The following ZNF280D variants were observed in gnomAD, a reference collection of about 807,000 sequenced individuals.
ZNF280D encodes zinc finger protein 280D, also known as suppressor of hairy wing homolog 4.
In ZNF280D, 39 loss-of-function variants were observed where a neutral mutation model predicts 94.7. The observed-to-expected ratio is 0.41, with a 90% CI of 0.32 to 0.54. The LOEUF (loss-of-function observed/expected upper bound fraction) is 0.54. Among genes scored for constraint, ZNF280D ranks in the 20% least tolerant of loss-of-function variants. ZNF280D has a pLI of 0.22. For synonymous variants in ZNF280D, 398 were observed against 377.6 expected, an observed-to-expected ratio of 1.05 and a Z score of -0.63; for missense variants, 1,090 against 1,149.3, an observed-to-expected ratio of 0.95 and a Z score of 0.75.
At chr15:56,714,997 G>T (rs1327394702) in intron 1 of ZNF280D, among the ~76,000 whole-genome samples, 1 of 152,096 alleles carries the variant, frequency 6.6e-6, no homozygotes, top group Non-Finnish European at 1.5e-5. Flanking sequence ...GGATATGGTT[G>T]CTATAATTAT....
At chr15:56,661,832 G>A (rs1237847144) in intron 16 of ZNF280D, among the ~76,000 whole-genome samples, 1 of 152,054 alleles carries the variant, frequency 6.6e-6, no homozygotes, top group Non-Finnish European at 1.5e-5. Flanking sequence ...TCTCTTAAGT[G>A]CAAATTGTTA....
intron 1 of ZNF280D, among the ~76,000 whole-genome samples, chr15:56,719,832 T>C (rs1054952682): frequency 1.4e-4 from 20 of 138,078 alleles, no homozygotes; most frequent in African/African-American, 5.5e-4. Flanking sequence ...AAATGTACAA[T>C]AGCATTGTCT....
rs374274092 is a variant in ZNF280D, at chr15:56,689,006, A to C, written c.780+35T>G. The stretch of plus-strand genomic sequence containing the variant: ...TCATCAGTATTTTTAGAAATGTGCA[A>C]ACTTTTTACAAATTAAATTTTGAAA... On this transcript the variant is annotated intron_variant, in intron 9 of 21. Transcript: ENST00000267807. 4.5e-4 allele frequency: 656 copies of C among 1,460,688 alleles called. 9 individuals are homozygous for C. The South Asian group carries it at 6.8e-3, about 15-fold the overall frequency. 90.5% of individuals were successfully genotyped at this position (1,460,688 alleles called of 1,614,324 possible).
intron 14 of ZNF280D, among the ~76,000 whole-genome samples, chr15:56,667,721 A>G (rs2054392788): frequency 6.6e-6 from 1 of 152,256 alleles, no homozygotes; most frequent in East Asian, 1.9e-4. Flanking sequence ...GTGCTTGGGT[A>G]ACATACAATG....
intron 14 of ZNF280D, 92 bp from the exon 15 acceptor site, chr15:56,667,078 T>C (rs2054342910): frequency 1.0e-5 from 11 of 1,078,668 alleles, no homozygotes; most frequent in Non-Finnish European, 1.4e-5. Context: ...AAATCAAGAA[T>C]TTTGAAAAAA....
At position 56,660,479 on chromosome 15, in the gene ZNF280D, T is replaced by A. The variant is rs1223328603; in HGVS notation, c.1995-1993A>T. 3.3e-5 allele frequency among the ~76,000 whole-genome samples: 5 copies of A among 152,210 alleles called. No individual in the cohort carries two copies. In the East Asian group the frequency reaches 9.7e-4, roughly 29 times the overall value. The stretch of plus-strand genomic sequence containing the variant: ...AGGGATTTCTACCACCTGCTTGATT[T>A]CTCTGTATTTAATTCCATACTTATA... On this transcript the variant is annotated intron_variant, in intron 16 of 21. Coordinates refer to ENST00000267807, the MANE Select transcript of ZNF280D (RefSeq NM_017661.4).
chr15:56,669,940 ATATATATAT>A lies in ZNF280D; in HGVS notation c.1411-992_1411-984del, dbSNP rs2054665884. Among the ~76,000 whole-genome samples the A allele has an allele frequency of 1.7e-3, 11 of 6,546 alleles. 3 individuals carry two copies. The highest frequency in any genetic ancestry group is 5.7e-3 in the African/African-American group (11 of 1,942). 4.3% of individuals were successfully genotyped at this position (6,546 alleles called of 152,430 possible). A position where few individuals can be genotyped will look rare whatever the true frequency, so the allele number is the denominator to read the frequency against. ...TATATATATATTATATATATATTAT[ATATATATAT>A]TATATATATATATTATATATATATA... On this transcript the variant is annotated intron_variant, in intron 13 of 21. Transcript: ENST00000267807.
In ZNF280D at chr15:56,677,650, G is replaced by T; in HGVS notation, c.1187C>A (p.Ser396Ter). 1 of 1,596,716 alleles carries T rather than the reference G, an allele frequency of 6.3e-7. No homozygotes were observed. Among genetic ancestry groups the T allele is most frequent in the South Asian group, 1.1e-5 (1 of 88,550 alleles). ...FSTICKICEL[S>*]FETEHVLLQH... The stretch of plus-strand genomic sequence containing the variant: ...TAAAAGAACATGTTCTGTTTCAAAT[G>T]ACAATTCACAGATTTTACAAATAGC... Residue 396 changes from serine to a stop codon, truncating the protein, a stop_gained, in exon 12 of 22, where the codon TCA becomes TAA. Transcript: ENST00000267807. LOFTEE classifies it high-confidence loss of function.
chr15:56,683,694 T>C (rs1440167731), intron 9 of ZNF280D, among the ~76,000 whole-genome samples: 4 of 152,190 alleles, frequency 2.6e-5, no homozygotes, highest in Non-Finnish European at 5.9e-5. Flanking sequence ...GGTGAGATCC[T>C]ATTTTTATAG....
At chr15:56,715,052 G>T (rs2057968234) in intron 1 of ZNF280D, among the ~76,000 whole-genome samples, 1 of 151,888 alleles carries the variant, frequency 6.6e-6, no homozygotes, top group African/African-American at 2.4e-5. Context: ...AACGTGTTGG[G>T]GGCACCATAG....
At chr15:56,725,575 T>C (rs1215057437) in intron 1 of ZNF280D, among the ~76,000 whole-genome samples, 3 of 152,078 alleles carry the variant, frequency 2.0e-5, no homozygotes, top group South Asian at 2.1e-4. Flanking sequence ...CACTCTTCTG[T>C]TGAAGAAAAT....
intron 17 of ZNF280D, 104 bp from the exon 18 acceptor site, chr15:56,654,607 T>A: frequency 1.0e-6 from 1 of 971,102 alleles, no homozygotes; most frequent in Non-Finnish European, 1.5e-6. Flanking sequence ...CATACATAAC[T>A]ATAACTTCCC....
Position 56,666,846 on chromosome 15 carries a change from T to A in ZNF280D, c.1686A>T (p.Thr562=), listed in dbSNP as rs749811290. 6 of 1,613,962 alleles carry A rather than the reference T, an allele frequency of 3.7e-6. No individual in the cohort carries two copies. Among genetic ancestry groups the A allele is most frequent in the Non-Finnish European group, 5.1e-6 (6 of 1,179,918 alleles). ...ITAKNPAKSN[T]SKPNTVKSNA... is the part of the protein sequence containing the mutation. Reference sequence around the variant, plus strand: ...TGGATTTGACTGTATTAGGTTTACTTGTATTAGATTTTGCAGGATTTTTAG... The same window carrying A: ...TGGATTTGACTGTATTAGGTTTACTAGTATTAGATTTTGCAGGATTTTTAG... Residue 562 remains threonine, a synonymous_variant, in exon 15 of 22, where the codon ACA becomes ACT. Transcript: ENST00000267807.
At chr15:56,662,041 G>C (rs1459347641) in intron 16 of ZNF280D, among the ~76,000 whole-genome samples, 2 of 151,784 alleles carry the variant, frequency 1.3e-5, no homozygotes, top group Non-Finnish European at 2.9e-5. Flanking sequence ...CTTCCTAGTA[G>C]GTACATAATA....
At chr15:56,669,096 A>C (rs1465304280) in intron 13 of ZNF280D, 139 bp from the exon 14 acceptor site, 1 of 734,134 alleles carries the variant, frequency 1.4e-6, no homozygotes, top group South Asian at 2.0e-5. Flanking sequence ...TCATAATAAT[A>C]TAAAATGCCT....
intron 13 of ZNF280D, among the ~76,000 whole-genome samples, chr15:56,670,873 T>C (rs1388851310): frequency 1.3e-5 from 2 of 152,120 alleles, no homozygotes; most frequent in Non-Finnish European, 2.9e-5. Context: ...ATAATAGCCA[T>C]TCTGACAGGT....
chr15:56,728,411 CATTGG>C (rs1207023986), intron 1 of ZNF280D, among the ~76,000 whole-genome samples: 3 of 152,172 alleles, frequency 2.0e-5, no homozygotes. Flanking sequence ...TTAAAAAATT[CATTGG>C]ATTGATCATT....
chr15:56,649,994 C>CA lies in ZNF280D; in HGVS notation c.2213+4203dup, dbSNP rs527456817. Among the ~76,000 whole-genome samples the CA allele has an allele frequency of 1.3e-3, 204 of 151,552 alleles. 1 individual carries two copies. Among genetic ancestry groups the CA allele is most frequent in the African/African-American group, 4.0e-3 (165 of 41,328 alleles). On this transcript the variant is annotated intron_variant, in intron 19 of 21. Transcript: ENST00000267807. ...GATTCTCTTCTGATACAGCATTTCA[C>CA]AAAAAAAATCCCATAATGCAATATA...
rs775135467 is a variant in ZNF280D, at chr15:56,631,586, G to A, written c.2852C>T (p.Ser951Phe). 6.2e-7 allele frequency: 1 copy of A among 1,613,942 alleles called. No homozygotes were observed. The highest frequency in any genetic ancestry group is 8.5e-7 in the Non-Finnish European group (1 of 1,180,010). ...DPSAKTDEVV[S>F]DQTDDIPGGN... ...TCCAGGAATGTCATCTGTTTGATCA[G>A]ACACTACTTCATCAGTCTTGGCTGA... The change falls in exon 22 of 22, where the codon TCT (serine) becomes TTT (phenylalanine). Residue 951 changes from serine (S) to phenylalanine (F), a missense_variant. This residue lies in a region of ZNF280D where 577 missense variants were observed against 568.8 expected (regional missense o/e 1.01). Coordinates refer to ENST00000267807, the MANE Select transcript of ZNF280D (RefSeq NM_017661.4).
Sources: allele counts gnomAD v4.1 joint callset (sites outside exome capture counted in the v4.1 genomes callset), GRCh38; gene constraint gnomAD v4.1.1; regional missense constraint gnomAD v4.1.1; transcripts MANE v1.5; gene names NCBI Gene and HGNC (gene_info 2026-07-23, HGNC 2026-07-21).